The following ATG7 variants were observed in gnomAD, a reference collection of about 807,000 sequenced individuals.
The protein encoded by ATG7 is autophagy related 7.
ATG7 carries 70 observed loss-of-function variants against 82.4 expected under a neutral mutation model. That is an observed-to-expected ratio of 0.85 (90% CI 0.70 to 1.04). The LOEUF (loss-of-function observed/expected upper bound fraction) is 1.04, where lower values mean the gene tolerates loss of function less well. ATG7 is among the 50% of genes least tolerant of loss of function. The pLI, the probability that ATG7 is intolerant of heterozygous loss-of-function variation, is 0.00. For missense variants in ATG7, 792 were observed against 864.3 expected, an observed-to-expected ratio of 0.92 and a Z score of 1.05; for synonymous variants, 287 against 313.0, an observed-to-expected ratio of 0.92 and a Z score of 0.88.
intron 20 of ATG7, among the ~76,000 whole-genome samples, chr3:11,493,735 A>ACAGC (rs1274212405): frequency 1.3e-5 from 2 of 152,232 alleles, no homozygotes; most frequent in African/African-American, 4.8e-5. Flanking sequence ...TTTCCGTGAT[A>ACAGC]CAGCCTAGGG....
chr3:11,370,368 G>A (rs2076913251), intron 18 of ATG7, among the ~76,000 whole-genome samples: 1 of 151,048 alleles, frequency 6.6e-6, no homozygotes, highest in Non-Finnish European at 1.5e-5. Flanking sequence ...GGTCAGTGGT[G>A]GGAGCTGAAG....
chr3:11,453,424 G>T (rs73137585), intron 20 of ATG7, among the ~76,000 whole-genome samples: 1 of 152,140 alleles, frequency 6.6e-6, no homozygotes, highest in East Asian at 1.9e-4. Context: ...TCCCGCCGTG[G>T]CTGTCCCTGC....
intron 19 of ATG7, among the ~76,000 whole-genome samples, chr3:11,393,970 C>A (rs1216175102): frequency 6.6e-6 from 1 of 152,152 alleles, no homozygotes; most frequent in Non-Finnish European, 1.5e-5. Flanking sequence ...CATAAGCCAC[C>A]ATGCCCGGCC....
chr3:11,458,993 A>G (rs2086036168), intron 20 of ATG7, among the ~76,000 whole-genome samples: 1 of 152,064 alleles, frequency 6.6e-6, no homozygotes, highest in Admixed American at 6.5e-5. Context: ...ACACCTGATG[A>G]TCTGAGGTAG....
intron 20 of ATG7, among the ~76,000 whole-genome samples, chr3:11,481,750 A>G (rs2089006515): frequency 6.6e-6 from 1 of 152,170 alleles, no homozygotes; most frequent in Non-Finnish European, 1.5e-5. Flanking sequence ...AAGTGGATAA[A>G]GCCCTGAGCT....
chr3:11,468,390 C>T (rs1328433393), intron 20 of ATG7, among the ~76,000 whole-genome samples: 1 of 152,128 alleles, frequency 6.6e-6, no homozygotes, highest in Non-Finnish European at 1.5e-5. Flanking sequence ...GATCATGCCT[C>T]GCCTATCCTC....
chr3:11,316,304 A>C (rs778046469), intron 9 of ATG7, among the ~76,000 whole-genome samples: 1 of 152,120 alleles, frequency 6.6e-6, no homozygotes, highest in Non-Finnish European at 1.5e-5. Flanking sequence ...TATTTTCCTC[A>C]TAAAGCATTG....
chr3:11,411,619 CAAAAAAAAAAAAAAA>C (rs71055868), intron 19 of ATG7, among the ~76,000 whole-genome samples: 3 of 71,766 alleles, frequency 4.2e-5, no homozygotes, highest in South Asian at 4.9e-4. Context: ...ACTCTGTCTC[CAAAAAAAAAAAAAAA>C]AAAAAAAAAA....
At chr3:11,392,839 A>G (rs752420119) in intron 19 of ATG7, among the ~76,000 whole-genome samples, 6 of 152,174 alleles carry the variant, frequency 3.9e-5, no homozygotes, top group African/African-American at 1.4e-4. Context: ...GTAACGTCCT[A>G]TATTAGAAGT....
At chr3:11,375,019 C>A (rs1331734728) in intron 18 of ATG7, among the ~76,000 whole-genome samples, 1 of 142,188 alleles carries the variant, frequency 7.0e-6, no homozygotes, top group Non-Finnish European at 1.5e-5. Flanking sequence ...ATGGGCAACA[C>A]AGCGAGACCT....
At chr3:11,348,227 G>C in intron 14 of ATG7, 192 bp downstream of exon 14, 1 of 678,020 alleles carries the variant, frequency 1.5e-6, no homozygotes, top group East Asian at 3.0e-5. Context: ...AGGCATGGTG[G>C]CTCATACCTG....
At chr3:11,412,145 A>G (rs2080966331) in intron 19 of ATG7, among the ~76,000 whole-genome samples, 1 of 152,284 alleles carries the variant, frequency 6.6e-6, no homozygotes, top group South Asian at 2.1e-4. Flanking sequence ...CTGACTGACT[A>G]AAACTAGGGC....
At chr3:11,565,687 C>G in the ATG7 span, among the ~76,000 whole-genome samples, 1 of 152,224 alleles carries the variant, frequency 6.6e-6, no homozygotes, top group African/African-American at 2.4e-5. The surrounding 1 kb of genome is among the most constrained non-coding windows in gnomAD (Gnocchi z 4.1). Context: ...GAGTGACCTG[C>G]GTCCAGAAGG....
At chr3:11,333,209 T>A in intron 11 of ATG7, 116 bp downstream of exon 11, 4 of 1,328,076 alleles carry the variant, frequency 3.0e-6, no homozygotes, top group Non-Finnish European at 3.9e-6. Flanking sequence ...AAGTACAACT[T>A]GTACCTCTTT....
chr3:11,571,331 C>T, the ATG7 span, among the ~76,000 whole-genome samples: 1 of 152,312 alleles, frequency 6.6e-6, no homozygotes, highest in Admixed American at 6.5e-5. Context: ...AGTGCGAATG[C>T]CGCCACAGCC....
intron 1 of ATG7, among the ~76,000 whole-genome samples, chr3:11,279,078 C>T (rs1942500318): frequency 6.6e-6 from 1 of 152,180 alleles, no homozygotes; most frequent in South Asian, 2.1e-4. Context: ...TCCCCACTCC[C>T]TACCTCTAGC....
chr3:11,380,827 T>C (rs2077840537), intron 19 of ATG7, among the ~76,000 whole-genome samples: 1 of 152,192 alleles, frequency 6.6e-6, no homozygotes, highest in Non-Finnish European at 1.5e-5. Flanking sequence ...CAACTGTGGC[T>C]TCTCAGTTAC....
chr3:11,291,283 T>G (rs2152674185), intron 3 of ATG7, among the ~76,000 whole-genome samples: 1 of 152,352 alleles, frequency 6.6e-6, no homozygotes, highest in South Asian at 2.1e-4. Context: ...GGATGATAGC[T>G]CTGGCCAGGG....
In ATG7 at chr3:11,317,599, T is replaced by G. The variant is rs576306007; in HGVS notation, c.678+2106T>G. Among the ~76,000 whole-genome samples the G allele has an allele frequency of 2.0e-3, 302 of 148,114 alleles. 1 individual carries two copies. The highest frequency in any genetic ancestry group is 7.0e-3 in the African/African-American group (282 of 40,184). On this transcript the variant is annotated intron_variant, in intron 9 of 20. Coordinates refer to ENST00000693202, the MANE Select transcript of ATG7 (RefSeq NM_001349232.2). ...TTCTTTCTTTCTTTTTTTTTTTTTT[T>G]TTTTTGTTTTTGAGGCAGAGTCTTG...
Sources: allele counts gnomAD v4.1 joint callset (sites outside exome capture counted in the v4.1 genomes callset), GRCh38; gene constraint gnomAD v4.1.1; non-coding constraint Gnocchi (gnomAD v3.1); transcripts MANE v1.5; gene names NCBI Gene and HGNC (gene_info 2026-07-23, HGNC 2026-07-21).